PTTG1IP2: variants seen among roughly 807,000 people sequenced by gnomAD.
The protein encoded by PTTG1IP2 is PTTG1IP family member 2.
chr7:90,497,186 C>G (rs575526490), intron 6 of PTTG1IP2, among the ~76,000 whole-genome samples: 1 of 152,136 alleles, frequency 6.6e-6, no homozygotes, highest in East Asian at 1.9e-4. Flanking sequence ...AATCCCAACA[C>G]TTTGGGAGGT....
intron 1 of PTTG1IP2, chr7:90,470,382 A>C (rs1199535480): frequency 6.6e-6 from 1 of 152,200 alleles, no homozygotes; most frequent in Admixed American, 6.5e-5. Flanking sequence ...TTTCCTTCCA[A>C]ATTGAAAAAA....
intron 6 of PTTG1IP2, among the ~76,000 whole-genome samples, chr7:90,500,715 T>G (rs944588946): frequency 1.3e-5 from 2 of 152,192 alleles, no homozygotes; most frequent in African/African-American, 4.8e-5. Flanking sequence ...AATCCCAATA[T>G]CAACCATCAT....
At chr7:90,495,678 G>A (rs975701802) in intron 6 of PTTG1IP2, among the ~76,000 whole-genome samples, 1 of 152,184 alleles carries the variant, frequency 6.6e-6, no homozygotes, top group Admixed American at 6.5e-5. Context: ...GCCTCCTGGA[G>A]AATCTCTAGG....
intron 1 of PTTG1IP2, among the ~76,000 whole-genome samples, chr7:90,472,994 A>G (rs539382910): frequency 6.6e-6 from 1 of 152,296 alleles, no homozygotes; most frequent in East Asian, 1.9e-4. Context: ...AGATGGGTTG[A>G]AGGGGAATCT....
At position 90,498,497 on chromosome 7, in the gene PTTG1IP2, A is replaced by G. The variant is rs994920498; in HGVS notation, c.*50+4067A>G. On this transcript the variant is annotated intron_variant, in intron 6 of 6. Coordinates refer to ENST00000509356, the MANE Select transcript of PTTG1IP2 (RefSeq NM_001365443.2). ...AAGAAGATATTCAACACAAATTGAAACCAAAAGAGAGCAGGGGTAGCTATA... is the reference window on the plus strand; with the variant it reads ...AAGAAGATATTCAACACAAATTGAAGCCAAAAGAGAGCAGGGGTAGCTATA... Among the ~76,000 whole-genome samples, 41 of 152,296 alleles carry G rather than the reference A, an allele frequency of 2.7e-4. 1 individual carries two copies. Among genetic ancestry groups the G allele is most frequent in the African/African-American group, 9.4e-4 (39 of 41,520 alleles).
chr7:90,505,496 C>T (rs1472205359), intron 6 of PTTG1IP2, among the ~76,000 whole-genome samples: 3 of 152,210 alleles, frequency 2.0e-5, no homozygotes, highest in Admixed American at 2.0e-4. Flanking sequence ...AAATTACATA[C>T]TAAGCAGGCC....
At chr7:90,507,612 C>T (rs1798138610) in intron 6 of PTTG1IP2, among the ~76,000 whole-genome samples, 1 of 152,134 alleles carries the variant, frequency 6.6e-6, no homozygotes, top group Admixed American at 6.5e-5. Context: ...AGAAGGAGCT[C>T]AATCTCAGGG....
chr7:90,484,430 T>A (rs1797846440), intron 2 of PTTG1IP2, among the ~76,000 whole-genome samples: 1 of 152,148 alleles, frequency 6.6e-6, no homozygotes, highest in African/African-American at 2.4e-5. Context: ...AGTACTATAA[T>A]TTTCCCATGA....
chr7:90,471,233 T>C (rs1317203091), intron 1 of PTTG1IP2, among the ~76,000 whole-genome samples: 2 of 152,160 alleles, frequency 1.3e-5, no homozygotes, highest in Non-Finnish European at 2.9e-5. Context: ...CATGATACTT[T>C]TCACTTCCAA....
intron 6 of PTTG1IP2, among the ~76,000 whole-genome samples, chr7:90,507,562 C>T (rs370158464): frequency 1.3e-5 from 2 of 152,054 alleles, no homozygotes; most frequent in Non-Finnish European, 2.9e-5. Flanking sequence ...CTTGGGCTCT[C>T]GGGCAAGGGA....
intron 1 of PTTG1IP2, among the ~76,000 whole-genome samples, chr7:90,475,079 C>T (rs1022046666): frequency 6.6e-6 from 1 of 152,108 alleles, no homozygotes; most frequent in Admixed American, 6.5e-5. Context: ...AAATCTCCTG[C>T]CCCCAAGTCC....
At chr7:90,486,562 C>A (rs1011634732) in intron 2 of PTTG1IP2, among the ~76,000 whole-genome samples, 1 of 149,714 alleles carries the variant, frequency 6.7e-6, no homozygotes, top group Non-Finnish European at 1.5e-5. Flanking sequence ...CTTAGAATTC[C>A]ATTTTCCTAT....
At chr7:90,482,508 C>CT (rs973883168) in intron 2 of PTTG1IP2, among the ~76,000 whole-genome samples, 1 of 149,388 alleles carries the variant, frequency 6.7e-6, no homozygotes, top group African/African-American at 2.5e-5. Context: ...ATTTACAACC[C>CT]CCCCCCCACA....
chr7:90,509,539 G>T (rs1426677966), intron 6 of PTTG1IP2, among the ~76,000 whole-genome samples: 2 of 152,164 alleles, frequency 1.3e-5, no homozygotes, highest in Non-Finnish European at 2.9e-5. Context: ...TGTTGAATTA[G>T]TAGTGATAGC....
chr7:90,495,264 A>G (rs533175149), intron 6 of PTTG1IP2, among the ~76,000 whole-genome samples: 1 of 152,328 alleles, frequency 6.6e-6, no homozygotes, highest in South Asian at 2.1e-4. Context: ...AACTACCCCG[A>G]CACTCAGTAA....
At chr7:90,505,969 C>T (rs1330923135) in intron 6 of PTTG1IP2, among the ~76,000 whole-genome samples, 4 of 115,830 alleles carry the variant, frequency 3.5e-5, no homozygotes, top group African/African-American at 1.3e-4. Flanking sequence ...CCGGCCTGGG[C>T]GACAGAGCGA....
intron 6 of PTTG1IP2, among the ~76,000 whole-genome samples, chr7:90,504,242 G>A (rs749768251): frequency 2.0e-5 from 3 of 151,960 alleles, no homozygotes; most frequent in Admixed American, 6.6e-5. Context: ...CTTGAACCTG[G>A]GAAGCAGAGG....
At chr7:90,503,637 A>T (rs1469443075) in intron 6 of PTTG1IP2, among the ~76,000 whole-genome samples, 2 of 152,216 alleles carry the variant, frequency 1.3e-5, no homozygotes, top group East Asian at 3.8e-4. Context: ...GCCTGAGAAG[A>T]GAAAGATTGG....
chr7:90,509,604 G>C (rs1584702943), intron 6 of PTTG1IP2, among the ~76,000 whole-genome samples: 1 of 152,174 alleles, frequency 6.6e-6, no homozygotes, highest in Non-Finnish European at 1.5e-5. Flanking sequence ...TCTGGAGCTG[G>C]GGATATTTGC....
Sources: gnomAD v4.1 joint callset for allele counts (sites outside exome capture counted in the v4.1 genomes callset) on GRCh38, gnomAD v4.1.1 for gene constraint, MANE v1.5 for transcripts, NCBI Gene and HGNC (gene_info 2026-07-23, HGNC 2026-07-21) for gene names.